The following NGLY1 variants were observed in gnomAD, a reference collection of about 807,000 sequenced individuals.
The protein encoded by NGLY1 is peptide-N(4)-(N-acetyl-beta-glucosaminyl)asparagine amidase.
A neutral mutation model predicts 84.6 loss-of-function variants in NGLY1; 68 were observed. That is an observed-to-expected ratio of 0.80 (90% confidence interval 0.66 to 0.98). The LOEUF is 0.98. Among genes scored for constraint, NGLY1 ranks in the 50% least tolerant of loss-of-function variants. The pLI, the probability that NGLY1 is intolerant of heterozygous loss-of-function variation, is 0.00. For synonymous variants in NGLY1, 280 were observed against 275.2 expected (o/e 1.02, Z -0.17); for missense variants, 779 against 770.2 (o/e 1.01, Z -0.14).
chr3:25,766,297 C>T (rs1310738450), intron 2 of NGLY1, among the ~76,000 whole-genome samples: 1 of 152,160 alleles, frequency 6.6e-6, no homozygotes, highest in African/African-American at 2.4e-5. Context: ...AAACTCCTGA[C>T]TTCAGGTGAT....
chr3:25,742,221 CA>C (rs913766518), intron 4 of NGLY1, among the ~76,000 whole-genome samples: 2 of 152,122 alleles, frequency 1.3e-5, no homozygotes, highest in African/African-American at 4.8e-5. Context: ...AGTATCTATC[CA>C]AGAGAAATAC....
chr3:25,744,957 A>T (rs1420821227), intron 4 of NGLY1, among the ~76,000 whole-genome samples: 2 of 152,174 alleles, frequency 1.3e-5, no homozygotes, highest in Non-Finnish European at 2.9e-5. Context: ...CTACTTCCAT[A>T]ATTTCTTACA....
rs757712371 is a variant in NGLY1, at chr3:25,736,128, T to G, written c.1025A>C (p.Tyr342Ser). 6.2e-7 allele frequency: 1 copy of G among 1,613,614 alleles called. No homozygotes were observed. Among genetic ancestry groups the G allele is most frequent in the Non-Finnish European group, 8.5e-7 (1 of 1,179,862 alleles). Reference sequence around the variant, plus strand: ...CAGCCACCGCTGCTGAGAAGGAGAATAGACTTCTGTCCAGACATGGTCTAC... The same window carrying G: ...CAGCCACCGCTGCTGAGAAGGAGAAGAGACTTCTGTCCAGACATGGTCTAC... ...DYTDHVWTEV[Y>S]SPSQQRWLHC... Residue 342 changes from tyrosine to serine, a missense_variant, in exon 7 of 12, where the codon TAT (tyrosine) becomes TCT (serine). Physicochemically the swap from Tyr to Ser is moderately radical, Grantham distance 144. Transcript: ENST00000280700.
chr3:25,776,024 T>C (rs904654231), intron 2 of NGLY1, among the ~76,000 whole-genome samples: 1 of 152,344 alleles, frequency 6.6e-6, no homozygotes, highest in Middle Eastern at 3.4e-3. Context: ...AACTTTCTTT[T>C]TGGTGGTAGA....
intron 2 of NGLY1, among the ~76,000 whole-genome samples, chr3:25,766,931 A>C (rs539427329): frequency 1.1e-3 from 169 of 152,306 alleles, no homozygotes; most frequent in Non-Finnish European, 1.7e-3. Context: ...AATTTAACCA[A>C]CAGCACTGTT....
chr3:25,721,760 AAAAAAAAAAAAAAAG>A (rs1278206357), intron 10 of NGLY1, among the ~76,000 whole-genome samples: 31 of 150,628 alleles, frequency 2.1e-4, no homozygotes, highest in Admixed American at 1.7e-3. Flanking sequence ...AAAAAAAAAA[AAAAAAAAAAAAAAAG>A]AAAAGAAAAA....
Position 25,764,272 on chromosome 3 carries a change from C to T in NGLY1, c.286G>A (p.Glu96Lys), listed in dbSNP as rs777476251. The T allele has an allele frequency of 9.3e-6, 15 of 1,613,794 alleles. No individual in the cohort carries two copies. In the African/African-American group the frequency reaches 1.6e-4, roughly 17 times the overall value. The part of the protein sequence containing the change: ...HLIFPKKASV[E>K]QLQKIRDLIA... ...AGGTCACGAATTTTTTGCAGCTGCT[C>T]CACTGAAGCTTTTTTAGGAAAGATG... Residue 96 changes from glutamate to lysine, a missense_variant, in exon 3 of 12, where the codon GAG becomes AAG. Coordinates refer to ENST00000280700, the MANE Select transcript of NGLY1 (RefSeq NM_018297.4).
rs765500224 is a variant in NGLY1 at position 25,732,467 on chromosome 3, G to T, written c.1277C>A (p.Ser426Ter). ...GAGAAGTTCTTTCCTTCTGTTTTCTGACAAAAACAGTTGCCTCTGTAATTC... is the reference window on the plus strand; with the variant it reads ...GAGAAGTTCTTTCCTTCTGTTTTCTTACAAAAACAGTTGCCTCTGTAATTC... ...GLNKQRQLFL[S>*]ENRRKELLQR... is the part of the protein sequence containing the mutation. Residue 426 changes from serine (S) to a stop codon, truncating the protein, a stop_gained, in exon 9 of 12, where the codon TCA (serine) becomes TAA (stop). Transcript: ENST00000280700. LOFTEE classifies it high-confidence loss of function. The T allele has an allele frequency of 1.9e-6, 3 of 1,612,664 alleles. No homozygotes were observed. The highest frequency in any genetic ancestry group is 1.1e-5 in the South Asian group (1 of 90,892).
At chr3:25,743,289 A>G (rs1706246928) in intron 4 of NGLY1, among the ~76,000 whole-genome samples, 1 of 152,160 alleles carries the variant, frequency 6.6e-6, no homozygotes, top group Non-Finnish European at 1.5e-5. Flanking sequence ...AATTTGTTAT[A>G]GTAGCCCCAG....
At chr3:25,738,153 C>A (rs1705936917) in intron 5 of NGLY1, among the ~76,000 whole-genome samples, 1 of 152,148 alleles carries the variant, frequency 6.6e-6, no homozygotes, top group Non-Finnish European at 1.5e-5. Flanking sequence ...AAAGCATTAG[C>A]ACTAAAGTGG....
intron 2 of NGLY1, among the ~76,000 whole-genome samples, chr3:25,768,833 C>T (rs1707750170): frequency 6.6e-6 from 1 of 151,562 alleles, no homozygotes; most frequent in South Asian, 2.1e-4. Flanking sequence ...TGAGCCACGG[C>T]GCCTGGCCTC....
At chr3:25,752,088 T>C (rs956933918) in intron 3 of NGLY1, among the ~76,000 whole-genome samples, 1 of 152,170 alleles carries the variant, frequency 6.6e-6, no homozygotes, top group Non-Finnish European at 1.5e-5. Flanking sequence ...GGGAGATGCA[T>C]GAGAATCAGT....
rs76347138 is a variant in NGLY1, at chr3:25,759,252, G to T, written c.492+4814C>A. ...CTGACAAAAGAAATGTAGAGTTGGTGATGACAAGTCTGGGGAATTCGCCAT... is the reference window on the plus strand; with the variant it reads ...CTGACAAAAGAAATGTAGAGTTGGTTATGACAAGTCTGGGGAATTCGCCAT... On this transcript the variant is annotated intron_variant, in intron 3 of 11. Coordinates refer to ENST00000280700, the MANE Select transcript of NGLY1 (RefSeq NM_018297.4). 4.1e-3 allele frequency among the ~76,000 whole-genome samples: 629 copies of T among 151,590 alleles called. 4 individuals are homozygous for T. Among genetic ancestry groups the T allele is most frequent in the African/African-American group, 0.015 (607 of 41,308 alleles).
intron 3 of NGLY1, chr3:25,754,837 C>A (rs1706952694): frequency 3.8e-6 from 2 of 521,462 alleles, no homozygotes; most frequent in Non-Finnish European, 3.5e-6. Context: ...ACTTGAACCA[C>A]TTGCAGCAGG....
intron 10 of NGLY1, among the ~76,000 whole-genome samples, chr3:25,727,042 T>C (rs1346203531): frequency 1.3e-5 from 2 of 152,144 alleles, no homozygotes; most frequent in Non-Finnish European, 2.9e-5. Flanking sequence ...AGAAAAACGG[T>C]AGTGAGAAAT....
chr3:25,749,558 AGTCTGACTGATAT>A (rs1706618987), intron 4 of NGLY1: 5 of 1,558,492 alleles, frequency 3.2e-6, no homozygotes, highest in African/African-American at 1.4e-5. Flanking sequence ...ATCCGGCACC[AGTCTGACTGATAT>A]GTCAAAAATT....
intron 10 of NGLY1, among the ~76,000 whole-genome samples, chr3:25,722,221 A>T (rs1014158175): frequency 5.9e-5 from 9 of 151,520 alleles, no homozygotes; most frequent in African/African-American, 1.2e-4. Context: ...TGTCTAAAAA[A>T]AAAAATAAAA....
At chr3:25,770,062 T>G (rs1707818422) in intron 2 of NGLY1, among the ~76,000 whole-genome samples, 1 of 152,166 alleles carries the variant, frequency 6.6e-6, no homozygotes, top group Non-Finnish European at 1.5e-5. Context: ...CTGAGTTACC[T>G]CACTTAGAAT....
intron 2 of NGLY1, among the ~76,000 whole-genome samples, chr3:25,766,390 G>T (rs1707574668): frequency 6.6e-6 from 1 of 152,008 alleles, no homozygotes; most frequent in Admixed American, 6.6e-5. Context: ...AAATACAAAG[G>T]CTCAGGGAAG....
Sources: gnomAD v4.1 joint callset for allele counts (sites outside exome capture counted in the v4.1 genomes callset) on GRCh38, gnomAD v4.1.1 for gene constraint, MANE v1.5 for transcripts, NCBI Gene and HGNC (gene_info 2026-07-23, HGNC 2026-07-21) for gene names.